Variants in STX2 observed in about 807,000 individuals in gnomAD.
The protein encoded by STX2 is syntaxin 2.
In STX2, 27 loss-of-function variants were observed where a neutral mutation model predicts 40.6. That is an observed-to-expected ratio of 0.66 (90% CI 0.49 to 0.92). The LOEUF is 0.92. STX2 is among the 40% of genes least tolerant of loss of function. STX2 has a pLI of 0.00. For synonymous variants in STX2, 123 were observed against 119.1 expected, an observed-to-expected ratio of 1.03 and a Z score of -0.22; for missense variants, 328 against 366.1, an observed-to-expected ratio of 0.90 and a Z score of 0.85.
chr12:130,793,265 C>G (rs1950931874), intron 10 of STX2, among the ~76,000 whole-genome samples: 1 of 152,176 alleles, frequency 6.6e-6, no homozygotes. Context: ...ACATCACGCA[C>G]ATTTCCTGCA....
chr12:130,819,195 C>T (rs542541671), intron 3 of STX2, among the ~76,000 whole-genome samples: 21 of 152,270 alleles, frequency 1.4e-4, no homozygotes, highest in African/African-American at 4.8e-4. Flanking sequence ...CTGAGGTTGA[C>T]GGGGGACCTC....
At chr12:130,835,125 T>C (rs7294558) in intron 1 of STX2, among the ~76,000 whole-genome samples, 25,653 of 152,148 alleles carry the variant, frequency 0.17, 2,790 homozygotes, top group Non-Finnish European at 0.23. Flanking sequence ...CCCATCTCTA[T>C]AAAAAATACA....
chr12:130,816,568 A>G (rs1951867582), intron 3 of STX2, among the ~76,000 whole-genome samples: 2 of 152,258 alleles, frequency 1.3e-5, no homozygotes, highest in African/African-American at 4.8e-5. Context: ...CCAGCGGCCT[A>G]GGTGATTCAG....
At chr12:130,830,842 A>G (rs1952532587) in intron 1 of STX2, among the ~76,000 whole-genome samples, 1 of 152,234 alleles carries the variant, frequency 6.6e-6, no homozygotes, top group Non-Finnish European at 1.5e-5. Flanking sequence ...TTTATTGTAA[A>G]TAACCAAACT....
At chr12:130,830,462 C>A (rs1462851518) in intron 1 of STX2, among the ~76,000 whole-genome samples, 6 of 152,226 alleles carry the variant, frequency 3.9e-5, no homozygotes, top group Non-Finnish European at 7.3e-5. Flanking sequence ...GAACCCACGG[C>A]ACGGGCGGAT....
chr12:130,837,223 C>G (rs1952780281), intron 1 of STX2, among the ~76,000 whole-genome samples: 1 of 151,902 alleles, frequency 6.6e-6, no homozygotes, highest in Non-Finnish European at 1.5e-5. Context: ...AGGAATCCTC[C>G]TAGCTTAGCC....
chr12:130,802,237 G>A (rs769047853), intron 6 of STX2, among the ~76,000 whole-genome samples: 2 of 152,008 alleles, frequency 1.3e-5, no homozygotes, highest in African/African-American at 2.4e-5. Context: ...TCACTCTGTC[G>A]CCCAGCCTGG....
At position 130,818,829 on chromosome 12, in the gene STX2, G is replaced by C. The variant is rs1341288625; in HGVS notation, c.205+2860C>G. On this transcript the variant is annotated intron_variant, in intron 3 of 10. Coordinates refer to ENST00000392373, the MANE Select transcript of STX2 (RefSeq NM_194356.4). The stretch of plus-strand genomic sequence containing the variant: ...AAGCCAGGCTGACGGCTGACTGCAG[G>C]AGCGAATCAAATCCCCGCCGTCCTG... 3.3e-5 allele frequency among the ~76,000 whole-genome samples: 5 copies of C among 152,246 alleles called. No individual in the cohort carries two copies. In the East Asian group the frequency reaches 9.7e-4, roughly 30 times the overall value.
chr12:130,821,704 G>A lies in STX2; in HGVS notation c.190C>T (p.Pro64Ser), dbSNP rs1952121919. The A allele has an allele frequency of 1.9e-6, 3 of 1,613,700 alleles. No individual in the cohort carries two copies. In the African/African-American group the frequency reaches 4.0e-5, roughly 22 times the overall value. Residue 64 changes from proline (P) to serine (S), a missense_variant, in exon 3 of 11, where the codon CCA becomes TCA. By Grantham distance (74) the Pro-to-Ser change is moderately conservative. Transcript: ENST00000392373. ...AACAACTTACTTCCTTCCGGGTTTG[G>A]TGCAGAAAGAATGATGCTGTGGTTT... The part of the protein sequence containing the change: ...KKNHSIILSA[P>S]NPEGKIKEEL...
At position 130,790,174 on chromosome 12, in the gene STX2, A is replaced by G. The variant is rs1289746585; in HGVS notation, c.*1849T>C. The G allele has an allele frequency of 6.6e-6, 1 of 152,236 alleles. No individual in the cohort carries two copies. Among genetic ancestry groups the G allele is most frequent in the East Asian group, 1.9e-4 (1 of 5,206 alleles). 9.4% of individuals were successfully genotyped at this position (152,236 alleles called of 1,614,324 possible). ...GTGTTTAAAGACCAAAAGAAAAAGA[A>G]CAGTCAGAGGCAGAATTCCCCTAGT... is the stretch of plus-strand genomic sequence containing the variant. On this transcript the variant is annotated 3_prime_UTR_variant, in exon 11 of 11. Transcript: ENST00000392373.
intron 1 of STX2, among the ~76,000 whole-genome samples, chr12:130,834,416 A>G (rs1444168882): frequency 6.6e-6 from 1 of 151,114 alleles, no homozygotes; most frequent in Non-Finnish European, 1.5e-5. Context: ...GGAGAAGTCC[A>G]GTGGTTCAGA....
At chr12:130,819,901 C>T (rs558437124) in intron 3 of STX2, among the ~76,000 whole-genome samples, 7 of 152,294 alleles carry the variant, frequency 4.6e-5, no homozygotes, top group Non-Finnish European at 1.0e-4. Context: ...GCTCATGAGA[C>T]GGCGGCTCCA....
chr12:130,794,072 C>T (rs1253325723), intron 10 of STX2, among the ~76,000 whole-genome samples: 2 of 152,150 alleles, frequency 1.3e-5, no homozygotes, highest in African/African-American at 2.4e-5. Flanking sequence ...CATGAAAAGT[C>T]GCGCATTTCA....
chr12:130,804,862 G>T (rs113483944), intron 6 of STX2, among the ~76,000 whole-genome samples: 1 of 151,704 alleles, frequency 6.6e-6, no homozygotes, highest in African/African-American at 2.4e-5. Context: ...GAGTATGATT[G>T]CAAGAGAAGA....
At chr12:130,818,410 C>A in intron 3 of STX2, among the ~76,000 whole-genome samples, 1 of 151,386 alleles carries the variant, frequency 6.6e-6, no homozygotes, top group Non-Finnish European at 1.5e-5. Flanking sequence ...GAGGAAGAAT[C>A]ACAACAGCAC....
At chr12:130,826,714 A>AT (rs1262658037) in intron 2 of STX2, among the ~76,000 whole-genome samples, 1 of 152,138 alleles carries the variant, frequency 6.6e-6, no homozygotes, top group Non-Finnish European at 1.5e-5. Context: ...TTTAAAGAAG[A>AT]AAGCCACCAG....
intron 3 of STX2, among the ~76,000 whole-genome samples, chr12:130,818,348 G>A (rs1463958087): frequency 6.7e-6 from 1 of 149,054 alleles, no homozygotes; most frequent in Non-Finnish European, 1.5e-5. Flanking sequence ...CTGCACTCTC[G>A]CCTGGTCGAC....
intron 3 of STX2, among the ~76,000 whole-genome samples, chr12:130,813,607 A>T (rs1951740747): frequency 6.6e-6 from 1 of 152,154 alleles, no homozygotes. Context: ...CCGGCCTCCT[A>T]ACACGGAGGG....
intron 1 of STX2, among the ~76,000 whole-genome samples, chr12:130,830,138 A>G (rs1458751813): frequency 6.6e-6 from 1 of 152,170 alleles, no homozygotes; most frequent in Non-Finnish European, 1.5e-5. Flanking sequence ...GTGGACACCC[A>G]CCACTTCCCA....
Sources: allele counts gnomAD v4.1 joint callset (sites outside exome capture counted in the v4.1 genomes callset), GRCh38; gene constraint gnomAD v4.1.1; transcripts MANE v1.5; gene names NCBI Gene and HGNC (gene_info 2026-07-23, HGNC 2026-07-21).